The following SPAG9 variants were observed in gnomAD, a reference collection of about 807,000 sequenced individuals.
SPAG9 encodes the protein sperm associated antigen 9.
In SPAG9, 35 loss-of-function variants were observed where a neutral mutation model predicts 166.5. The observed-to-expected ratio is 0.21, with a 90% confidence interval of 0.16 to 0.28. The LOEUF is 0.28. SPAG9 is among the 10% of genes least tolerant of loss of function. SPAG9 has a pLI of 1.00. For synonymous variants in SPAG9, 534 were observed against 565.5 expected, an observed-to-expected ratio of 0.94 and a Z score of 0.79; for missense variants, 1,235 against 1,603.3, an observed-to-expected ratio of 0.77 and a Z score of 3.92.
At chr17:50,979,214 A>G (rs1033670376) in intron 26 of SPAG9, among the ~76,000 whole-genome samples, 3 of 139,434 alleles carry the variant, frequency 2.2e-5, no homozygotes, top group African/African-American at 5.3e-5. Flanking sequence ...TTTCTACAGG[A>G]AAAAAAAAAA....
chr17:51,056,514 CAAAAT>C (rs2047366308), intron 2 of SPAG9, 32 bp from the exon 3 acceptor site: 1 of 1,369,458 alleles, frequency 7.3e-7, no homozygotes, highest in Non-Finnish European at 1.0e-6. Flanking sequence ...TTGATCAAAA[CAAAAT>C]AAGAAATTTA....
chr17:51,091,118 T>G (rs1357195641), intron 1 of SPAG9, among the ~76,000 whole-genome samples: 3 of 151,458 alleles, frequency 2.0e-5, no homozygotes, highest in Non-Finnish European at 4.4e-5. Context: ...ACGAAAAATA[T>G]GAAAATTAGC....
Position 50,963,406 on chromosome 17 carries a change from G to C in SPAG9, c.*2866C>G, listed in dbSNP as rs908989337. On this transcript the variant is annotated 3_prime_UTR_variant, in exon 30 of 30. Transcript: ENST00000262013. ...CTTGTTATTGGGGGAAAGGGGAAGTGAAGCAATCTGTAGAAAATATTTAAC... is the reference window on the plus strand; with the variant it reads ...CTTGTTATTGGGGGAAAGGGGAAGTCAAGCAATCTGTAGAAAATATTTAAC... The C allele has an allele frequency of 6.6e-6, 1 of 152,182 alleles. No individual in the cohort carries two copies. The highest frequency in any genetic ancestry group is 1.5e-5 in the Non-Finnish European group (1 of 68,026). The allele number at this position is 152,182 out of a possible 1,614,324, so 9.4% of individuals were successfully genotyped here. A position where few individuals can be genotyped will look rare whatever the true frequency, so the allele number is the denominator to read the frequency against.
chr17:51,010,575 A>G (rs1340056827), intron 9 of SPAG9, among the ~76,000 whole-genome samples: 1 of 137,118 alleles, frequency 7.3e-6, no homozygotes, highest in Non-Finnish European at 1.6e-5. Context: ...AAAGAAAAAA[A>G]AAAAAAAATA....
chr17:51,048,936 A>C (rs1329948487), intron 3 of SPAG9, among the ~76,000 whole-genome samples: 1 of 152,216 alleles, frequency 6.6e-6, no homozygotes, highest in African/African-American at 2.4e-5. Flanking sequence ...GTTTTGGAGA[A>C]ATACACCTTT....
chr17:50,983,940 TA>T (rs1242464908), intron 24 of SPAG9, among the ~76,000 whole-genome samples: 1 of 152,202 alleles, frequency 6.6e-6, no homozygotes, highest in African/African-American at 2.4e-5. Flanking sequence ...CAAAAGCACC[TA>T]ACTGTCATCT....
In SPAG9 at chr17:50,973,659, G is replaced by A. The variant is rs932506598; in HGVS notation, c.3700+1112C>T. On this transcript the variant is annotated intron_variant, in intron 28 of 29. Coordinates refer to ENST00000262013, the MANE Select transcript of SPAG9 (RefSeq NM_001130528.3). ...AACACCAGTCTAGATATCATTGTAA[G>A]TCTTTTTTAGATGTGATTAACATTT... 7.2e-5 allele frequency among the ~76,000 whole-genome samples: 11 copies of A among 152,328 alleles called. No individual in the cohort carries two copies. The East Asian group carries it at 1.9e-3, about 27-fold the overall frequency.
rs898165027 is a variant in SPAG9, at chr17:50,965,048, A to G, written c.*1224T>C. 2 of 152,246 alleles carry G rather than the reference A, an allele frequency of 1.3e-5. No homozygotes were observed. The highest frequency in any genetic ancestry group is 4.8e-5 in the African/African-American group (2 of 41,278). The allele number at this position is 152,246 out of a possible 1,614,324, so 9.4% of individuals were successfully genotyped here. ...AGTGTTGGGATTACAGGCGTGAGCC[A>G]CCATGCCCAACCTATTTTTTTTTTT... On this transcript the variant is annotated 3_prime_UTR_variant, in exon 30 of 30. Coordinates refer to ENST00000262013, the MANE Select transcript of SPAG9 (RefSeq NM_001130528.3).
intron 1 of SPAG9, among the ~76,000 whole-genome samples, chr17:51,105,044 C>A (rs1028931940): frequency 1.8e-3 from 273 of 151,804 alleles, no homozygotes; most frequent in African/African-American, 6.5e-3. Flanking sequence ...TGCAGTGAGC[C>A]GAGATCACGC....
chr17:51,022,973 T>TAAA (rs1555643035), intron 6 of SPAG9, among the ~76,000 whole-genome samples: 1 of 148,436 alleles, frequency 6.7e-6, no homozygotes, highest in African/African-American at 2.5e-5. Context: ...ATAATAATAA[T>TAAA]AAATCAGGGT....
At chr17:50,985,504 T>C (rs375492326) in intron 23 of SPAG9, among the ~76,000 whole-genome samples, 194 bp downstream of exon 23, 2 of 152,260 alleles carry the variant, frequency 1.3e-5, no homozygotes, top group Non-Finnish European at 2.9e-5. Flanking sequence ...AAGCAAGTTA[T>C]CCTTTCTACT....
chr17:50,989,908 C>T, intron 20 of SPAG9, 36 bp from the exon 21 acceptor site: 1 of 1,574,750 alleles, frequency 6.4e-7, no homozygotes, highest in Non-Finnish European at 8.7e-7. Context: ...CAAGTCTGGG[C>T]TTTTCTCCTC....
chr17:51,041,506 G>T lies in SPAG9; in HGVS notation c.736C>A (p.Leu246Met). The T allele has an allele frequency of 6.2e-7, 1 of 1,613,084 alleles. No homozygotes were observed. The highest frequency in any genetic ancestry group is 8.5e-7 in the Non-Finnish European group (1 of 1,179,590). The stretch of plus-strand genomic sequence containing the variant: ...TTCAGCAGCATAAAGCTTACCTTCA[G>T]GCTGGTATGAGAACGTGGTTGACTT... ...ELSQPRSHTS[L>M]KVSNSPEPQK... The change falls in exon 5 of 30, where the codon CTG becomes ATG. Residue 246 changes from leucine to methionine, a missense_variant. Around this residue, in one of 6 missense-constraint regions of SPAG9, gnomAD observed 288 missense variants for 323.7 expected, o/e 0.89. Coordinates refer to ENST00000262013, the MANE Select transcript of SPAG9 (RefSeq NM_001130528.3).
At chr17:51,109,004 A>G (rs539898784) in intron 1 of SPAG9, among the ~76,000 whole-genome samples, 1 of 151,636 alleles carries the variant, frequency 6.6e-6, no homozygotes, top group South Asian at 2.1e-4. Context: ...CTGGGATTAC[A>G]GACGTGCACC....
intron 2 of SPAG9, among the ~76,000 whole-genome samples, chr17:51,079,239 T>C (rs2048097591): frequency 1.4e-5 from 2 of 147,046 alleles, no homozygotes; most frequent in South Asian, 2.3e-4. Flanking sequence ...TCCTTTTTTT[T>C]TTTTTCTGGG....
At chr17:51,105,904 A>G (rs2048936011) in intron 1 of SPAG9, among the ~76,000 whole-genome samples, 1 of 151,704 alleles carries the variant, frequency 6.6e-6, no homozygotes, top group Non-Finnish European at 1.5e-5. Context: ...TTAAAGCTTA[A>G]CCTTTATTAA....
chr17:50,995,456 A>C lies in SPAG9; in HGVS notation c.2046T>G (p.Asp682Glu). The C allele has an allele frequency of 6.2e-7, 1 of 1,606,366 alleles. No homozygotes were observed. The highest frequency in any genetic ancestry group is 1.3e-5 in the African/African-American group (1 of 74,894). The change falls in exon 17 of 30, where the codon GAT becomes GAG. Residue 682 changes from aspartate to glutamate, a missense_variant. By Grantham distance (45) the Asp-to-Glu change is conservative. Transcript: ENST00000262013. ...ACAATGAACTTACCTTCATTGATGTATCTTTTTCATCCAGAGGTCTGAGAT... is the reference window on the plus strand; with the variant it reads ...ACAATGAACTTACCTTCATTGATGTCTCTTTTTCATCCAGAGGTCTGAGAT... The part of the protein sequence containing the change: ...PVYLRPLDEK[D>E]TSMKLWCAVG...
At chr17:51,075,550 C>A (rs771215777) in intron 2 of SPAG9, among the ~76,000 whole-genome samples, 11 of 152,268 alleles carry the variant, frequency 7.2e-5, no homozygotes, top group African/African-American at 2.6e-4. Flanking sequence ...TCTGGTCGAG[C>A]GCAGTGGCTT....
rs745903860 is a variant in SPAG9 at position 50,990,614 on chromosome 17, A to G, written c.2453T>C (p.Val818Ala). ...AGEDLSESGQ[V>A]DKASLCGSMT... is the part of the protein sequence containing the mutation. Reference sequence around the variant, plus strand: ...ACTTCCACATAAAGATGCTTTGTCTACCTGACCAGATTCTGAAAGATCTTC... The same window carrying G: ...ACTTCCACATAAAGATGCTTTGTCTGCCTGACCAGATTCTGAAAGATCTTC... Residue 818 changes from valine (V) to alanine (A), a missense_variant, in exon 20 of 30, where the codon GTA becomes GCA. By Grantham distance (64) the Val-to-Ala change is moderately conservative. Transcript: ENST00000262013. 4.3e-6 allele frequency: 7 copies of G among 1,614,188 alleles called. No homozygotes were observed. Among genetic ancestry groups the G allele is most frequent in the Admixed American group, 1.7e-5 (1 of 60,022 alleles).
Sources: gnomAD v4.1 joint callset for allele counts (sites outside exome capture counted in the v4.1 genomes callset) on GRCh38, gnomAD v4.1.1 for gene constraint, gnomAD v4.1.1 regional missense constraint, MANE v1.5 for transcripts, NCBI Gene and HGNC (gene_info 2026-07-23, HGNC 2026-07-21) for gene names.